LOC128462377: variants seen among roughly 807,000 people sequenced by gnomAD.
the LOC128462377 span, among the ~76,000 whole-genome samples, chr16:89,346,736 T>G: frequency 6.6e-6 from 1 of 152,106 alleles, no homozygotes; most frequent in Non-Finnish European, 1.5e-5. Flanking sequence ...GGTAAAGTGG[T>G]TGTTAGAGGG....
At chr16:89,416,972 A>T in the LOC128462377 span, among the ~76,000 whole-genome samples, 1 of 151,960 alleles carries the variant, frequency 6.6e-6, no homozygotes, top group East Asian at 1.9e-4. Context: ...CCACCTCCAG[A>T]TCTTGAAAAA....
the LOC128462377 span, among the ~76,000 whole-genome samples, chr16:89,322,438 T>C: frequency 1.3e-5 from 2 of 152,212 alleles, no homozygotes; most frequent in Non-Finnish European, 2.9e-5. Flanking sequence ...TATCGAATGG[T>C]GCCCAAGGCC....
the LOC128462377 span, among the ~76,000 whole-genome samples, chr16:89,356,868 C>G: frequency 1.3e-5 from 2 of 151,624 alleles, no homozygotes; most frequent in African/African-American, 4.8e-5. Flanking sequence ...TAATAAACAA[C>G]AAAAGCCTGA....
At chr16:89,392,431 T>G in the LOC128462377 span, 1 of 152,190 alleles carries the variant, frequency 6.6e-6, no homozygotes. Context: ...TTTTCTTACA[T>G]TTTCTACAAT....
chr16:89,363,664 C>T, the LOC128462377 span, among the ~76,000 whole-genome samples: 2 of 152,140 alleles, frequency 1.3e-5, no homozygotes, highest in East Asian at 3.9e-4. Flanking sequence ...CACCAAGCAC[C>T]ACACGCTGCT....
chr16:89,415,413 T>C, the LOC128462377 span, among the ~76,000 whole-genome samples: 2 of 150,868 alleles, frequency 1.3e-5, no homozygotes, highest in African/African-American at 2.5e-5. Context: ...TACAGGCGCC[T>C]GCCACCATGC....
the LOC128462377 span, among the ~76,000 whole-genome samples, chr16:89,320,584 C>G: frequency 6.6e-6 from 1 of 152,198 alleles, no homozygotes; most frequent in Non-Finnish European, 1.5e-5. Flanking sequence ...ACCGTCCCAG[C>G]TTCGTGGACT....
chr16:89,390,779 T>C, the LOC128462377 span, among the ~76,000 whole-genome samples: 1 of 152,106 alleles, frequency 6.6e-6, no homozygotes, highest in East Asian at 1.9e-4. Context: ...CTGGTAATGG[T>C]TGTCTAACTC....
chr16:89,398,656 G>T, the LOC128462377 span, among the ~76,000 whole-genome samples: 69 of 152,152 alleles, frequency 4.5e-4, no homozygotes, highest in African/African-American at 1.6e-3. Context: ...GCAGGAGGAA[G>T]GTTTGAGCCC....
chr16:89,393,318 T>A, the LOC128462377 span, among the ~76,000 whole-genome samples: 27 of 150,546 alleles, frequency 1.8e-4, no homozygotes, highest in African/African-American at 4.7e-4. Context: ...ATTTTTATTT[T>A]TTTTTTTTTT....
chr16:89,347,540 G>C, the LOC128462377 span, among the ~76,000 whole-genome samples: 1 of 150,000 alleles, frequency 6.7e-6, no homozygotes, highest in African/African-American at 2.5e-5. Context: ...GAACCTGGGA[G>C]ATGGAGGTTG....
At chr16:89,414,462 G>A in the LOC128462377 span, among the ~76,000 whole-genome samples, 2 of 152,176 alleles carry the variant, frequency 1.3e-5, no homozygotes, top group Admixed American at 1.3e-4. Flanking sequence ...CTTCTGTTTT[G>A]CCAAGAAAGA....
At chr16:89,321,445 T>TGGGGCGGGAGCTGC in the LOC128462377 span, among the ~76,000 whole-genome samples, 1 of 8,520 alleles carries the variant, frequency 1.2e-4, no homozygotes, top group African/African-American at 5.2e-4. Flanking sequence ...GGGCAGGGTG[T>TGGGGCGGGAGCTGC]GGGGCGGGAG....
the LOC128462377 span, among the ~76,000 whole-genome samples, chr16:89,353,521 A>G: frequency 1.3e-5 from 2 of 151,504 alleles, no homozygotes; most frequent in Non-Finnish European, 2.9e-5. Flanking sequence ...TGTGTCACCC[A>G]GGCTGGAGTA....
At chr16:89,416,536 G>A in the LOC128462377 span, among the ~76,000 whole-genome samples, 1 of 152,122 alleles carries the variant, frequency 6.6e-6, no homozygotes, top group East Asian at 1.9e-4. Flanking sequence ...GGCCTCAAGT[G>A]ATCCACCCAC....
At chr16:89,411,458 A>T in the LOC128462377 span, among the ~76,000 whole-genome samples, 1 of 152,132 alleles carries the variant, frequency 6.6e-6, no homozygotes, top group Non-Finnish European at 1.5e-5. Flanking sequence ...TGTCACCTAG[A>T]GCTGGAGTGC....
chr16:89,411,667 G>C, the LOC128462377 span, among the ~76,000 whole-genome samples: 2 of 152,272 alleles, frequency 1.3e-5, no homozygotes, highest in East Asian at 3.9e-4. Flanking sequence ...TCCCACCTCA[G>C]CCTCCCAGAG....
the LOC128462377 span, among the ~76,000 whole-genome samples, chr16:89,350,899 G>A: frequency 4.6e-5 from 7 of 152,240 alleles, no homozygotes; most frequent in South Asian, 2.1e-4. Context: ...ACTGTGTTAC[G>A]ATTTCTTTCC....
chr16:89,401,153 GTGTGATCTCGACTCAT>G, the LOC128462377 span, among the ~76,000 whole-genome samples: 1 of 146,398 alleles, frequency 6.8e-6, no homozygotes, highest in Non-Finnish European at 1.5e-5. Flanking sequence ...GAGTGCAATG[GTGTGATCTCGACTCAT>G]TGCAACCTCT....
Sources: gnomAD v4.1 joint callset for allele counts (sites outside exome capture counted in the v4.1 genomes callset) on GRCh38, gnomAD v4.1.1 for gene constraint, MANE v1.5 for transcripts.